Variants in GRIA1 observed in about 807,000 individuals in gnomAD.
GRIA1 encodes the protein glutamate receptor 1.
In GRIA1, 31 loss-of-function variants were observed where a neutral mutation model predicts 99.2. The ratio of observed to expected loss-of-function variants is 0.31; its 90% CI spans 0.23 to 0.42. The LOEUF is 0.42. Ranked by LOEUF, GRIA1 falls within the 10% of genes least tolerant of loss-of-function variation. The probability of loss-of-function intolerance (pLI) is 1.00; values close to 1 mark genes in which losing one functional copy is unlikely to be tolerated. For synonymous variants in GRIA1, 438 were observed against 432.4 expected, an observed-to-expected ratio of 1.01 and a Z score of -0.16; for missense variants, 782 against 1,157.5, an observed-to-expected ratio of 0.68 and a Z score of 4.71.
chr5:153,800,533 A>AT (rs1765939991), intron 14 of GRIA1, among the ~76,000 whole-genome samples: 1 of 152,228 alleles, frequency 6.6e-6, no homozygotes, highest in African/African-American at 2.4e-5. Flanking sequence ...AGTCCTTTGA[A>AT]TAATCATTTC....
At chr5:153,715,795 G>A (rs1342066398) in intron 11 of GRIA1, among the ~76,000 whole-genome samples, 3 of 152,098 alleles carry the variant, frequency 2.0e-5, no homozygotes, top group Non-Finnish European at 4.4e-5. Flanking sequence ...TGACATGAGG[G>A]GTTGTATGTT....
intron 11 of GRIA1, among the ~76,000 whole-genome samples, chr5:153,732,813 G>T (rs974635231): frequency 7.2e-5 from 11 of 151,860 alleles, no homozygotes; most frequent in African/African-American, 2.7e-4. Context: ...ATGTCAAAAA[G>T]CTTTTGCTCT....
In GRIA1 at chr5:153,493,918, T is replaced by C. The variant is rs772080086; in HGVS notation, c.83-10T>C. On this transcript the variant is annotated splice_polypyrimidine_tract_variant and intron_variant, in intron 1 of 15. Transcript: ENST00000285900. The stretch of plus-strand genomic sequence containing the variant: ...GCCCATATACCATGTTGCATTTTCT[T>C]TTCTCATAGGGGGATTATTTCCAAA... 6.2e-7 allele frequency: 1 copy of C among 1,613,910 alleles called. No homozygotes were observed. Among genetic ancestry groups the C allele is most frequent in the Admixed American group, 1.7e-5 (1 of 60,024 alleles).
intron 2 of GRIA1, among the ~76,000 whole-genome samples, chr5:153,646,511 C>T (rs1001577991): frequency 5.9e-5 from 9 of 152,022 alleles, no homozygotes; most frequent in Admixed American, 3.3e-4. Context: ...TTGGTTTCTC[C>T]CCTTTAAAAA....
chr5:153,614,486 A>G (rs979120856), intron 2 of GRIA1, among the ~76,000 whole-genome samples: 15 of 152,206 alleles, frequency 9.9e-5, no homozygotes, highest in Admixed American at 6.5e-5. Flanking sequence ...TGTGATTATT[A>G]TCCCCGTTTT....
chr5:153,776,832 G>C (rs182094731), intron 13 of GRIA1, among the ~76,000 whole-genome samples: 87 of 152,254 alleles, frequency 5.7e-4, no homozygotes, highest in African/African-American at 2.0e-3. Context: ...TTTCCTCCTA[G>C]TTGCTCATCC....
intron 8 of GRIA1, among the ~76,000 whole-genome samples, chr5:153,697,268 A>T (rs1581488931): frequency 6.6e-6 from 1 of 152,188 alleles, no homozygotes; most frequent in Non-Finnish European, 1.5e-5. Context: ...CCCATGGTAG[A>T]CCAGAGGCGT....
chr5:153,591,163 T>G (rs1485228027), intron 2 of GRIA1, among the ~76,000 whole-genome samples: 1 of 152,228 alleles, frequency 6.6e-6, no homozygotes. Context: ...TGTCTATCTA[T>G]GCAGACTCCT....
chr5:153,583,182 C>T (rs923879212), intron 2 of GRIA1, among the ~76,000 whole-genome samples: 2 of 152,126 alleles, frequency 1.3e-5, no homozygotes, highest in Admixed American at 1.3e-4. Flanking sequence ...ATCCGTCTGC[C>T]TCAGCCTCCC....
At chr5:153,722,214 TA>T (rs1362090038) in intron 11 of GRIA1, among the ~76,000 whole-genome samples, 1 of 152,220 alleles carries the variant, frequency 6.6e-6, no homozygotes, top group African/African-American at 2.4e-5. Context: ...AGCCTTGACA[TA>T]AGTCCTTTTT....
At chr5:153,593,741 G>T (rs189951424) in intron 2 of GRIA1, among the ~76,000 whole-genome samples, 6 of 152,170 alleles carry the variant, frequency 3.9e-5, no homozygotes, top group Non-Finnish European at 5.9e-5. Flanking sequence ...GCCCCATTCA[G>T]CTGAAGCCTG....
chr5:153,612,550 T>C (rs6866738), intron 2 of GRIA1, among the ~76,000 whole-genome samples: 35,150 of 152,200 alleles, frequency 0.23, 4,502 homozygotes, highest in Non-Finnish European at 0.3. Context: ...GTGCCTGAGA[T>C]ATTTTGTGAA....
intron 4 of GRIA1, among the ~76,000 whole-genome samples, chr5:153,654,632 C>T (rs1250032017): frequency 6.6e-6 from 1 of 151,898 alleles, no homozygotes; most frequent in African/African-American, 2.4e-5. Context: ...TAATTATTCC[C>T]CACATAAAAA....
At chr5:153,765,204 GCTT>G (rs1763435979) in intron 12 of GRIA1, among the ~76,000 whole-genome samples, 1 of 152,078 alleles carries the variant, frequency 6.6e-6, no homozygotes, top group African/African-American at 2.4e-5. Flanking sequence ...GGAGCAGAGA[GCTT>G]AGGAGCACAG....
chr5:153,600,961 G>A (rs1250247404), intron 2 of GRIA1, among the ~76,000 whole-genome samples: 1 of 152,250 alleles, frequency 6.6e-6, no homozygotes, highest in Non-Finnish European at 1.5e-5. Context: ...GAAGGTGGAA[G>A]TCTGAGCTGA....
chr5:153,502,192 G>A (rs1259995790), intron 2 of GRIA1, among the ~76,000 whole-genome samples: 2 of 152,192 alleles, frequency 1.3e-5, no homozygotes, highest in East Asian at 3.9e-4. Context: ...TACTCACCTT[G>A]TCACTTGAAC....
chr5:153,640,389 A>G (rs1242080353), intron 2 of GRIA1, among the ~76,000 whole-genome samples: 1 of 152,234 alleles, frequency 6.6e-6, no homozygotes, highest in Non-Finnish European at 1.5e-5. Flanking sequence ...TTGACACATG[A>G]CACAATGACC....
At chr5:153,666,052 ACTT>A (rs1755720701) in intron 5 of GRIA1, among the ~76,000 whole-genome samples, 3 of 152,198 alleles carry the variant, frequency 2.0e-5, no homozygotes, top group Admixed American at 2.0e-4. Flanking sequence ...TTTTCCTGAC[ACTT>A]CTTATTTATG....
intron 2 of GRIA1, among the ~76,000 whole-genome samples, chr5:153,497,266 AG>A (rs2113212789): frequency 6.6e-6 from 1 of 152,272 alleles, no homozygotes; most frequent in Non-Finnish European, 1.5e-5. Context: ...TTGTGCATAG[AG>A]AAGATATTTA....
Sources: allele counts gnomAD v4.1 joint callset (sites outside exome capture counted in the v4.1 genomes callset), GRCh38; gene constraint gnomAD v4.1.1; transcripts MANE v1.5; gene names NCBI Gene and HGNC (gene_info 2026-07-23, HGNC 2026-07-21).